DPP10: variants seen among roughly 807,000 people sequenced by gnomAD.
DPP10 encodes dipeptidyl peptidase like 10.
A neutral mutation model predicts 120.9 loss-of-function variants in DPP10; 33 were observed. That is an observed-to-expected ratio of 0.27 (90% CI 0.21 to 0.37). The LOEUF (loss-of-function observed/expected upper bound fraction) is 0.37. Among genes scored for constraint, DPP10 ranks in the 10% least tolerant of loss-of-function variants. The pLI, the probability that DPP10 is intolerant of heterozygous loss-of-function variation, is 1.00. For synonymous variants in DPP10, 337 were observed against 326.1 expected, an observed-to-expected ratio of 1.03 and a Z score of -0.36; for missense variants, 816 against 942.8, an observed-to-expected ratio of 0.87 and a Z score of 1.76.
intron 5 of DPP10, among the ~76,000 whole-genome samples, chr2:115,575,771 G>C (rs779633976): frequency 3.3e-5 from 5 of 152,166 alleles, no homozygotes; most frequent in Non-Finnish European, 5.9e-5. Context: ...GGATTATCCA[G>C]GTGGGCCTAA....
intron 1 of DPP10, among the ~76,000 whole-genome samples, chr2:115,231,651 A>C (rs2057740805): frequency 1.3e-5 from 2 of 152,218 alleles, no homozygotes; most frequent in Non-Finnish European, 2.9e-5. Flanking sequence ...GGATGCAATG[A>C]ATCTCACCAA....
chr2:115,802,021 C>G (rs1388565346), intron 19 of DPP10, among the ~76,000 whole-genome samples: 1 of 152,026 alleles, frequency 6.6e-6, no homozygotes, highest in Non-Finnish European at 1.5e-5. Context: ...CCAGCTCCTC[C>G]TTGTACCTCT....
intron 5 of DPP10, among the ~76,000 whole-genome samples, chr2:115,684,196 C>T (rs68164492): frequency 0.093 from 14,081 of 151,652 alleles, 720 homozygotes; most frequent in South Asian, 0.14. Flanking sequence ...TCGATGTTCA[C>T]AAAGCTTTTG....
At chr2:115,723,412 C>A (rs1284284381) in intron 7 of DPP10, among the ~76,000 whole-genome samples, 1 of 152,120 alleles carries the variant, frequency 6.6e-6, no homozygotes, top group Non-Finnish European at 1.5e-5. Flanking sequence ...CTTTTCCAAG[C>A]ACAAATTTAT....
intron 5 of DPP10, among the ~76,000 whole-genome samples, chr2:115,673,501 A>C (rs2090060505): frequency 6.6e-6 from 1 of 152,208 alleles, no homozygotes; most frequent in Non-Finnish European, 1.5e-5. Context: ...TAATTGACCT[A>C]GATAATCCTA....
intron 1 of DPP10, among the ~76,000 whole-genome samples, chr2:114,510,556 C>T (rs1466079271): frequency 6.6e-6 from 1 of 152,086 alleles, no homozygotes; most frequent in Non-Finnish European, 1.5e-5. Context: ...GTGAGCAAGA[C>T]TGCGCCATTG....
intron 1 of DPP10, among the ~76,000 whole-genome samples, chr2:115,040,038 A>G (rs1338546090): frequency 6.6e-6 from 1 of 152,210 alleles, no homozygotes; most frequent in Non-Finnish European, 1.5e-5. Flanking sequence ...TAGTATAAGA[A>G]GTAATTTTAC....
chr2:114,667,166 C>T (rs1697988745), intron 1 of DPP10, among the ~76,000 whole-genome samples: 1 of 152,148 alleles, frequency 6.6e-6, no homozygotes, highest in Non-Finnish European at 1.5e-5. Flanking sequence ...ACCCATGCTT[C>T]ATGCTTTTAA....
In DPP10 at chr2:115,840,329, T is replaced by TG. The variant is rs1559227938; in HGVS notation, c.2183-421_2183-420insG. ...ATATAAGGTTTTTTGGTTTTTTTTT[T>TG]TTTTTTTTTTTTGAGACGGAGTCTT... On this transcript the variant is annotated intron_variant, in intron 24 of 25. Transcript: ENST00000410059. Among the ~76,000 whole-genome samples, 3 of 120,448 alleles carry TG rather than the reference T, an allele frequency of 2.5e-5. 1 individual carries two copies. The highest frequency in any genetic ancestry group is 5.2e-5 in the Non-Finnish European group (3 of 57,674). 79.0% of individuals were successfully genotyped at this position (120,448 alleles called of 152,430 possible). A position where few individuals can be genotyped will look rare whatever the true frequency, so the allele number is the denominator to read the frequency against.
intron 1 of DPP10, among the ~76,000 whole-genome samples, chr2:114,732,681 G>A (rs1021737153): frequency 9.9e-5 from 15 of 152,158 alleles, no homozygotes; most frequent in Non-Finnish European, 7.3e-5. Flanking sequence ...TTGAAAAAGG[G>A]TAATGTTTGA....
chr2:114,517,507 G>C (rs1039767935), intron 1 of DPP10, among the ~76,000 whole-genome samples: 10 of 139,936 alleles, frequency 7.1e-5, no homozygotes, highest in Non-Finnish European at 1.4e-4. Flanking sequence ...GTGATATACA[G>C]TGAGACTCCG....
intron 1 of DPP10, among the ~76,000 whole-genome samples, chr2:114,477,372 T>G (rs1357108071): frequency 3.3e-5 from 5 of 152,120 alleles, no homozygotes; most frequent in East Asian, 1.9e-4. Flanking sequence ...TGCAGTATAT[T>G]ATTGAATTTT....
chr2:115,803,976 C>T (rs1685593435), intron 19 of DPP10, among the ~76,000 whole-genome samples: 1 of 152,108 alleles, frequency 6.6e-6, no homozygotes, highest in South Asian at 2.1e-4. Context: ...GAATATTGGC[C>T]TTCCTTGCTA....
At chr2:115,168,444 A>G (rs1307116649) in intron 1 of DPP10, among the ~76,000 whole-genome samples, 3 of 152,204 alleles carry the variant, frequency 2.0e-5, no homozygotes, top group African/African-American at 7.2e-5. Context: ...ATCCTTATGG[A>G]TAGTTAGAAT....
At chr2:115,545,322 CAT>C (rs2148981114) in intron 5 of DPP10, among the ~76,000 whole-genome samples, 1 of 152,162 alleles carries the variant, frequency 6.6e-6, no homozygotes, top group African/African-American at 2.4e-5. Context: ...AGGTAATAGA[CAT>C]AAAAATAGTT....
chr2:115,784,307 A>G (rs1443778965), intron 17 of DPP10, among the ~76,000 whole-genome samples: 1 of 152,198 alleles, frequency 6.6e-6, no homozygotes, highest in Admixed American at 6.5e-5. Context: ...TTTGGGCCAC[A>G]TGAAGTAGAA....
At chr2:115,237,256 A>G (rs1226297266) in intron 1 of DPP10, among the ~76,000 whole-genome samples, 1 of 151,458 alleles carries the variant, frequency 6.6e-6, no homozygotes, top group African/African-American at 2.4e-5. Context: ...TTATTATTGT[A>G]TCTGTTATTG....
chr2:115,167,621 A>G (rs77665565), intron 1 of DPP10, among the ~76,000 whole-genome samples: 11 of 151,618 alleles, frequency 7.3e-5, no homozygotes, highest in Admixed American at 5.9e-4. Context: ...AAAAAAAAAA[A>G]AAAGCCTCAG....
chr2:115,586,922 A>G (rs966719508), intron 5 of DPP10, among the ~76,000 whole-genome samples: 6 of 152,092 alleles, frequency 3.9e-5, no homozygotes, highest in Non-Finnish European at 8.8e-5. Flanking sequence ...CTAAGTATAT[A>G]TGTGATGATT....
Sources: gnomAD v4.1 joint callset for allele counts (sites outside exome capture counted in the v4.1 genomes callset) on GRCh38, gnomAD v4.1.1 for gene constraint, MANE v1.5 for transcripts, NCBI Gene and HGNC (gene_info 2026-07-23, HGNC 2026-07-21) for gene names.